Variants in ANO10 observed in about 807,000 individuals in gnomAD.
ANO10 encodes anoctamin-10.
A neutral mutation model predicts 74.7 loss-of-function variants in ANO10; 77 were observed. The observed-to-expected ratio is 1.03, with a 90% CI of 0.86 to 1.25. The LOEUF is 1.25. Among genes scored for constraint, ANO10 ranks in the 50% most tolerant of loss-of-function variants. The pLI, the probability that ANO10 is intolerant of heterozygous loss-of-function variation, is 0.00. For missense variants in ANO10, 721 were observed against 778.1 expected, an observed-to-expected ratio of 0.93 and a Z score of 0.87; for synonymous variants, 279 against 284.9, an observed-to-expected ratio of 0.98 and a Z score of 0.21.
chr3:43,639,640 T>C (rs2149562979), intron 1 of ANO10, among the ~76,000 whole-genome samples: 1 of 152,034 alleles, frequency 6.6e-6, no homozygotes, highest in South Asian at 2.1e-4. Flanking sequence ...TGCATGCCTG[T>C]AATCCCAGCT....
At chr3:43,370,872 C>T (rs182721064) in intron 12 of ANO10, among the ~76,000 whole-genome samples, 45 of 152,204 alleles carry the variant, frequency 3.0e-4, no homozygotes, top group Middle Eastern at 3.4e-3. Flanking sequence ...TGACCAGATC[C>T]CCTTGTCTCT....
chr3:43,613,112 G>A (rs556126575), intron 1 of ANO10, among the ~76,000 whole-genome samples: 1 of 151,684 alleles, frequency 6.6e-6, no homozygotes, highest in Non-Finnish European at 1.5e-5. Flanking sequence ...AGGTTGCAGT[G>A]AGCCAAGGTC....
intron 1 of ANO10, among the ~76,000 whole-genome samples, chr3:43,616,712 C>T (rs2083127000): frequency 1.3e-5 from 2 of 152,180 alleles, no homozygotes; most frequent in South Asian, 4.1e-4. Flanking sequence ...TCACTCTACA[C>T]TTGTGCCAGC....
chr3:43,374,360 C>T (rs1450535959), intron 12 of ANO10, among the ~76,000 whole-genome samples: 2 of 152,204 alleles, frequency 1.3e-5, no homozygotes, highest in Admixed American at 6.5e-5. Flanking sequence ...ACACTATGCA[C>T]ATTTGATTTA....
intron 1 of ANO10, among the ~76,000 whole-genome samples, chr3:43,682,432 C>T (rs2084214125): frequency 6.6e-6 from 1 of 152,070 alleles, no homozygotes; most frequent in African/African-American, 2.4e-5. Flanking sequence ...GTTGAGGCAA[C>T]AATTAATAGC....
At chr3:43,573,377 T>A (rs968731095) in intron 7 of ANO10, among the ~76,000 whole-genome samples, 9 of 152,182 alleles carry the variant, frequency 5.9e-5, no homozygotes, top group Non-Finnish European at 1.2e-4. Flanking sequence ...TCTCTGTAGG[T>A]TTGCCTACTT....
At chr3:43,578,119 G>C (rs1411578626) in intron 5 of ANO10, among the ~76,000 whole-genome samples, 1 of 152,140 alleles carries the variant, frequency 6.6e-6, no homozygotes, top group Non-Finnish European at 1.5e-5. Context: ...AAGATAATTT[G>C]AGCAGTCTAC....
At chr3:43,500,655 G>C (rs2077067939) in intron 11 of ANO10, among the ~76,000 whole-genome samples, 1 of 152,194 alleles carries the variant, frequency 6.6e-6, no homozygotes, top group Non-Finnish European at 1.5e-5. Context: ...AACTCTGCAG[G>C]TATTAAAAGT....
chr3:43,582,115 T>C (rs2081288826), intron 4 of ANO10, among the ~76,000 whole-genome samples: 1 of 151,954 alleles, frequency 6.6e-6, no homozygotes, highest in Non-Finnish European at 1.5e-5. Context: ...TAAAACCCCT[T>C]ATTGAGGACT....
intron 11 of ANO10, among the ~76,000 whole-genome samples, chr3:43,458,897 G>A (rs981037555): frequency 6.6e-6 from 1 of 152,168 alleles, no homozygotes; most frequent in Non-Finnish European, 1.5e-5. Flanking sequence ...TTATGAGTGA[G>A]AATATGTGGT....
At chr3:43,503,918 G>A (rs1255569726) in intron 11 of ANO10, among the ~76,000 whole-genome samples, 1 of 152,026 alleles carries the variant, frequency 6.6e-6, no homozygotes, top group South Asian at 2.1e-4. Flanking sequence ...GAATAAGGCT[G>A]CCATTTGCAC....
chr3:43,413,419 C>T (rs532631355), intron 12 of ANO10, among the ~76,000 whole-genome samples: 1 of 152,072 alleles, frequency 6.6e-6, no homozygotes, highest in East Asian at 1.9e-4. Flanking sequence ...GTGCTGTCCT[C>T]CTGACAGTTC....
intron 11 of ANO10, among the ~76,000 whole-genome samples, chr3:43,457,130 C>T (rs1004101868): frequency 6.6e-6 from 1 of 152,100 alleles, no homozygotes; most frequent in East Asian, 1.9e-4. Flanking sequence ...GAAATAAAGT[C>T]AGGGAGGAAA....
intron 11 of ANO10, among the ~76,000 whole-genome samples, chr3:43,541,063 C>A (rs1250468573): frequency 6.6e-6 from 1 of 152,082 alleles, no homozygotes; most frequent in Non-Finnish European, 1.5e-5. Context: ...AGAAAAAAAA[C>A]CCAGTTCCAT....
intron 11 of ANO10, 22 bp from the exon 12 acceptor site, chr3:43,432,749 T>C: frequency 6.8e-7 from 1 of 1,473,346 alleles, no homozygotes; most frequent in African/African-American, 1.4e-5. Context: ...AAAGAGTACA[T>C]GTTGATGTGA....
intron 1 of ANO10, among the ~76,000 whole-genome samples, chr3:43,653,514 A>G (rs1273179979): frequency 6.6e-6 from 1 of 152,368 alleles, no homozygotes; most frequent in Non-Finnish European, 1.5e-5. Flanking sequence ...TTGGGAATAT[A>G]AATCAAATGC....
intron 11 of ANO10, among the ~76,000 whole-genome samples, chr3:43,474,181 C>T (rs2075974636): frequency 6.6e-6 from 1 of 152,166 alleles, no homozygotes; most frequent in African/African-American, 2.4e-5. Context: ...TACACGTGGT[C>T]ATACCACTTG....
chr3:43,614,146 C>A (rs546512594), intron 1 of ANO10, among the ~76,000 whole-genome samples: 1 of 152,254 alleles, frequency 6.6e-6, no homozygotes, highest in South Asian at 2.1e-4. Context: ...CATCAAAGGT[C>A]AACGTTTTTG....
intron 2 of ANO10, among the ~76,000 whole-genome samples, chr3:43,602,330 T>A (rs1019609767): frequency 6.6e-6 from 1 of 152,140 alleles, no homozygotes; most frequent in Non-Finnish European, 1.5e-5. Context: ...AACCTTTTTT[T>A]ATTAATTAAT....
Sources: gnomAD v4.1 joint callset for allele counts (sites outside exome capture counted in the v4.1 genomes callset) on GRCh38, gnomAD v4.1.1 for gene constraint, MANE v1.5 for transcripts, NCBI Gene and HGNC (gene_info 2026-07-23, HGNC 2026-07-21) for gene names.